Variants in PSG5 observed in about 807,000 individuals in gnomAD.
PSG5 encodes the protein pregnancy specific beta-1-glycoprotein 5.
PSG5 carries 53 observed loss-of-function variants against 37.7 expected under a neutral mutation model. The ratio of observed to expected loss-of-function variants is 1.41; its 90% confidence interval spans 1.13 to 1.77. The LOEUF (loss-of-function observed/expected upper bound fraction) is 1.77, where lower values mean the gene tolerates loss of function less well. Among genes scored for constraint, PSG5 ranks in the 40% most tolerant of loss-of-function variants. The pLI is 0.00. For missense variants in PSG5, 547 were observed against 405.2 expected (o/e 1.35, Z -3.00); for synonymous variants, 221 against 155.4 (o/e 1.42, Z -3.14).
At chr19:43,170,248 AC>A (rs754794643) in intron 4 of PSG5, 110 bp from the exon 5 acceptor site, 13 of 1,028,968 alleles carry the variant, frequency 1.3e-5, no homozygotes, top group Non-Finnish European at 1.8e-5. Flanking sequence ...TTCTTCAAGT[AC>A]TACATTATTC....
At chr19:43,173,248 G>A (rs1048998367) in intron 4 of PSG5, among the ~76,000 whole-genome samples, 2 of 151,598 alleles carry the variant, frequency 1.3e-5, no homozygotes, top group East Asian at 1.9e-4. Context: ...AAATGTAAGA[G>A]TAAAAACTAC....
intron 4 of PSG5, chr19:43,174,988 C>T (rs1179713202): frequency 7.1e-7 from 1 of 1,404,788 alleles, no homozygotes; most frequent in African/African-American, 1.5e-5. Context: ...GATAAAGCCC[C>T]CTCCCTAACT....
intron 5 of PSG5, among the ~76,000 whole-genome samples, chr19:43,169,143 G>A (rs1157892909): frequency 2.0e-5 from 3 of 151,530 alleles, no homozygotes; most frequent in African/African-American, 7.3e-5. Flanking sequence ...CTGATTTCTT[G>A]TGGCATTCAA....
Position 43,178,827 on chromosome 19 carries a change from C to T in PSG5, c.431-2679G>A, listed in dbSNP as rs923962759. 5.0e-5 allele frequency: 80 copies of T among 1,611,620 alleles called. 1 individual carries two copies. Among genetic ancestry groups the T allele is most frequent in the Non-Finnish European group, 6.2e-5 (73 of 1,178,620 alleles). On this transcript the variant is annotated intron_variant, in intron 2 of 5. Coordinates refer to ENST00000342951, the MANE Select transcript of PSG5 (RefSeq NM_002781.4). ...GGGACTGAGAGGCCTGGCCTCTGGCCATGTGTATTTGGGATGGCAGCCTGG... is the reference window on the plus strand; with the variant it reads ...GGGACTGAGAGGCCTGGCCTCTGGCTATGTGTATTTGGGATGGCAGCCTGG...
In PSG5 at chr19:43,177,669, A is replaced by C. The variant is rs923151628; in HGVS notation, c.431-1521T>G. On this transcript the variant is annotated intron_variant, in intron 2 of 5. Coordinates refer to ENST00000342951, the MANE Select transcript of PSG5 (RefSeq NM_002781.4). ...GAACTTTAAACATTTTCATGGTTGC[A>C]TCTTTTTCTCAGTGTTTGTGTTGTG... Among the ~76,000 whole-genome samples the C allele has an allele frequency of 1.2e-4, 18 of 151,588 alleles. 1 individual carries two copies. The highest frequency in any genetic ancestry group is 3.4e-3 in the Middle Eastern group (1 of 292).
chr19:43,178,943 A>T, intron 2 of PSG5: 1 of 1,612,892 alleles, frequency 6.2e-7, no homozygotes, highest in Non-Finnish European at 8.5e-7. Context: ...TTTCACATTC[A>T]TAGGGTCCTG....
At chr19:43,186,235 C>G (rs572252888) in intron 1 of PSG5, 107 bp downstream of exon 1, 203 of 1,565,160 alleles carry the variant, frequency 1.3e-4, no homozygotes, top group Middle Eastern at 8.3e-4. Context: ...CTCATCCTCC[C>G]AAAGTGCTGG....
Position 43,184,215 on chromosome 19 carries a change from T to C in PSG5, c.430+567A>G, listed in dbSNP as rs147789039. On this transcript the variant is annotated intron_variant, in intron 2 of 5. Coordinates refer to ENST00000342951, the MANE Select transcript of PSG5 (RefSeq NM_002781.4). ...AGTGTCAGGTGAAGAAAGCTCTGTC[T>C]TTGCCCAGATGAGGCTCTGAGGGCT... Among the ~76,000 whole-genome samples the C allele has an allele frequency of 1.5e-3, 227 of 151,816 alleles. 6 individuals are homozygous for C. The highest frequency in any genetic ancestry group is 5.0e-3 in the African/African-American group (207 of 41,316).
intron 4 of PSG5, 138 bp downstream of exon 4, chr19:43,175,077 G>T: frequency 2.5e-6 from 4 of 1,577,850 alleles, no homozygotes; most frequent in Non-Finnish European, 3.4e-6. Context: ...AAATTGGAAG[G>T]GTTCAGGAGG....
intron 4 of PSG5, chr19:43,170,551 G>C: frequency 7.5e-6 from 3 of 402,018 alleles, no homozygotes; most frequent in South Asian, 2.2e-5. Flanking sequence ...GCCCACGTCC[G>C]TGCATTTCAC....
Position 43,184,973 on chromosome 19 carries a change from G to T in PSG5, c.239C>A (p.Thr80Lys). 2 of 1,612,468 alleles carry T rather than the reference G, an allele frequency of 1.2e-6. No homozygotes were observed. ...GQLMDLYHYI[T>K]SYVVDGQINI... Reference sequence around the variant, plus strand: ...TATTTGACCGTCTACTACATATGATGTAATGTAATGGTAGAGGTCCATCAG... The same window carrying T: ...TATTTGACCGTCTACTACATATGATTTAATGTAATGGTAGAGGTCCATCAG... Residue 80 changes from threonine (T) to lysine (K), a missense_variant, in exon 2 of 6, where the codon ACA becomes AAA. Physicochemically the swap from Thr to Lys is moderately conservative, Grantham distance 78. Transcript: ENST00000342951.
intron 2 of PSG5, chr19:43,180,552 C>T (rs1055243568): frequency 8.6e-5 from 13 of 151,240 alleles, no homozygotes; most frequent in African/African-American, 3.2e-4. Flanking sequence ...GTAATTTTCC[C>T]ATAAAAAGTT....
At chr19:43,174,893 G>T in intron 4 of PSG5, 1 of 1,201,504 alleles carries the variant, frequency 8.3e-7, no homozygotes. Flanking sequence ...GGGATGTGTT[G>T]GTGACATCGA....
At chr19:43,169,767 G>A (rs1434656064) in intron 5 of PSG5, among the ~76,000 whole-genome samples, 1 of 151,636 alleles carries the variant, frequency 6.6e-6, no homozygotes, top group African/African-American at 2.4e-5. Flanking sequence ...ACTATTGAGA[G>A]ATGTTAAAAA....
intron 3 of PSG5, 93 bp downstream of exon 3, chr19:43,175,777 A>T: frequency 6.4e-7 from 1 of 1,574,222 alleles, no homozygotes; most frequent in Non-Finnish European, 8.6e-7. Flanking sequence ...AAAGGTGTCT[A>T]TACTTGGACC....
At chr19:43,175,533 T>G in intron 3 of PSG5, 64 bp from the exon 4 acceptor site, 1 of 1,546,662 alleles carries the variant, frequency 6.5e-7, no homozygotes, top group Non-Finnish European at 8.7e-7. Context: ...TCCTGGTCTC[T>G]TAAAGGGACA....
In PSG5 at chr19:43,170,050, C is replaced by T. The variant is rs537036046; in HGVS notation, c.*40+5G>A. On this transcript the variant is annotated splice_donor_5th_base_variant and intron_variant, in intron 5 of 5. Transcript: ENST00000342951. ...GAACCAGGATAAGAGAAAAGGCCAT[C>T]ATACCTGCCAGTCTTCCTGAAATAC... The T allele has an allele frequency of 4.7e-6, 7 of 1,501,342 alleles. No individual in the cohort carries two copies. The Admixed American group carries it at 5.1e-5, about 11-fold the overall frequency. The allele number at this position is 1,501,342 out of a possible 1,614,324, so 93.0% of individuals were successfully genotyped here.
rs1454854781 is a variant in PSG5, at chr19:43,174,156, G to C, written c.964+1059C>G. 1.3e-5 allele frequency: 2 copies of C among 151,664 alleles called. 1 individual carries two copies. The highest frequency in any genetic ancestry group is 2.9e-5 in the Non-Finnish European group (2 of 67,972). The allele number at this position is 151,664 out of a possible 1,614,324, so 9.4% of individuals were successfully genotyped here. On this transcript the variant is annotated intron_variant, in intron 4 of 5. Transcript: ENST00000342951. The stretch of plus-strand genomic sequence containing the variant: ...TAATTCCATTTATAAAAGATAGTTA[G>C]AATAGCCAGTTACATAGAGACAGAA...
chr19:43,176,096 A>T lies in PSG5; in HGVS notation c.483T>A (p.Asn161Lys), dbSNP rs745404737. 6.2e-7 allele frequency: 1 copy of T among 1,611,052 alleles called. No homozygotes were observed. The highest frequency in any genetic ancestry group is 8.5e-7 in the Non-Finnish European group (1 of 1,179,162). ...CACAGGTGAAGGCTAAGACATCCTTATTCTCCCTGGGTTTTGAGTTGTTGA... is the reference window on the plus strand; with the variant it reads ...CACAGGTGAAGGCTAAGACATCCTTTTTCTCCCTGGGTTTTGAGTTGTTGA... Reference protein sequence around the residue: ...ITINNSKPRENKDVLAFTCEP... With the variant: ...ITINNSKPREKKDVLAFTCEP... The change falls in exon 3 of 6, where the codon AAT (asparagine) becomes AAA (lysine). Residue 161 changes from asparagine (N) to lysine (K), a missense_variant. Coordinates refer to ENST00000342951, the MANE Select transcript of PSG5 (RefSeq NM_002781.4).
Sources: allele counts gnomAD v4.1 joint callset (sites outside exome capture counted in the v4.1 genomes callset), GRCh38; gene constraint gnomAD v4.1.1; transcripts MANE v1.5; gene names NCBI Gene and HGNC (gene_info 2026-07-23, HGNC 2026-07-21).